Variants in CHRDL2 observed in about 807,000 individuals in gnomAD.
CHRDL2 encodes the protein chordin like 2, also known as chordin-like protein 2.
A neutral mutation model predicts 54.3 loss-of-function variants in CHRDL2; 41 were observed. The observed-to-expected ratio is 0.76, with a 90% CI of 0.59 to 0.98. CHRDL2 has a LOEUF of 0.98. Ranked by LOEUF, CHRDL2 falls within the 50% of genes least tolerant of loss-of-function variation. CHRDL2 has a pLI of 0.00. For missense variants in CHRDL2, 518 were observed against 562.4 expected, an observed-to-expected ratio of 0.92 and a Z score of 0.80; for synonymous variants, 220 against 224.3, an observed-to-expected ratio of 0.98 and a Z score of 0.17.
Position 74,702,865 on chromosome 11 carries a change from T to A in CHRDL2, c.1049A>T (p.Asn350Ile), listed in dbSNP as rs2033871545. The A allele has an allele frequency of 6.2e-7, 1 of 1,613,964 alleles. No individual in the cohort carries two copies. Among genetic ancestry groups the A allele is most frequent in the Non-Finnish European group, 8.5e-7 (1 of 1,179,990 alleles). ...VHTSVSPSPD[N>I]LRRFALEHEA... ...GTGTTCCAGGGCAAAGCGACGCAGG[T>A]TGTCTGGGCTTGGGGATACCGATGT... The change falls in exon 9 of 11, where the codon AAC (asparagine) becomes ATC (isoleucine). Residue 350 changes from asparagine to isoleucine, a missense_variant. By Grantham distance (149) the Asn-to-Ile change is moderately radical. Coordinates refer to ENST00000376332, the MANE Select transcript of CHRDL2 (RefSeq NM_001278473.3).
At chr11:74,711,666 T>C (rs568623224) in intron 3 of CHRDL2, among the ~76,000 whole-genome samples, 14 of 152,254 alleles carry the variant, frequency 9.2e-5, no homozygotes, top group African/African-American at 3.1e-4. Context: ...ATTTAGCCCT[T>C]GCCACCAAGA....
chr11:74,727,119 A>G (rs1358382514), intron 1 of CHRDL2, among the ~76,000 whole-genome samples: 1 of 152,192 alleles, frequency 6.6e-6, no homozygotes, highest in East Asian at 1.9e-4. Flanking sequence ...GAAGTGTTAA[A>G]ACTAGAATGG....
rs1020402070 is a variant in CHRDL2 at position 74,702,695 on chromosome 11, C to G, written c.1120+99G>C. On this transcript the variant is annotated intron_variant, in intron 9 of 10. Transcript: ENST00000376332. The stretch of plus-strand genomic sequence containing the variant: ...AAACCTGGCGGGGCAGCCAGAGGCA[C>G]CTGATCAGCAAAACGTCCCTAAGGC... The G allele has an allele frequency of 1.0e-5, 13 of 1,272,304 alleles. No individual in the cohort carries two copies. The African/African-American group carries it at 1.9e-4, about 19-fold the overall frequency. The allele number at this position is 1,272,304 out of a possible 1,614,324, so 78.8% of individuals were successfully genotyped here.
chr11:74,712,085 C>G (rs989846825), intron 3 of CHRDL2, among the ~76,000 whole-genome samples: 3 of 152,080 alleles, frequency 2.0e-5, no homozygotes, highest in Non-Finnish European at 4.4e-5. Context: ...GCTGGGATTA[C>G]AGATACAAGC....
rs2034254546 is a variant in CHRDL2, at chr11:74,713,387, C to T, written c.288G>A (p.Val96=). ...TEPQQCCPKC[V]EPHTPSGLRA... ...ATGGGGAGGAGCATGGCTACTTACCCACACACTTGGGACAGCATTGCTGTG... is the reference window on the plus strand; with the variant it reads ...ATGGGGAGGAGCATGGCTACTTACCTACACACTTGGGACAGCATTGCTGTG... The change falls in exon 3 of 11, where the codon GTG becomes GTA. Residue 96 remains valine (V), a splice_region_variant and synonymous_variant. Transcript: ENST00000376332. 3 of 1,613,570 alleles carry T rather than the reference C, an allele frequency of 1.9e-6. No individual in the cohort carries two copies. The highest frequency in any genetic ancestry group is 2.5e-6 in the Non-Finnish European group (3 of 1,179,688).
intron 3 of CHRDL2, among the ~76,000 whole-genome samples, chr11:74,711,969 C>G (rs1484625094): frequency 1.3e-5 from 2 of 151,968 alleles, no homozygotes; most frequent in African/African-American, 4.8e-5. Context: ...GCCACCATAT[C>G]CAGCTAATTT....
At chr11:74,721,161 G>A (rs571891229) in intron 1 of CHRDL2, among the ~76,000 whole-genome samples, 5 of 143,398 alleles carry the variant, frequency 3.5e-5, no homozygotes, top group African/African-American at 7.3e-5. Context: ...GGTGGGACAC[G>A]GGCCCAGCTG....
At chr11:74,730,785 C>T (rs778273674) in intron 1 of CHRDL2, 22 bp downstream of exon 1, 1 of 1,595,430 alleles carries the variant, frequency 6.3e-7, no homozygotes, top group South Asian at 1.1e-5. Flanking sequence ...CCTCTGCCCA[C>T]CCAGCCTCCC....
Position 74,726,742 on chromosome 11 carries a change from AG to A in CHRDL2, c.82+4064del, listed in dbSNP as rs1393225481. ...TCAGCAGCCTGTGCGCCAGTGAGTG[AG>A]GCAGAGACCTCTGCTGGTGGGAGAG... On this transcript the variant is annotated intron_variant, in intron 1 of 10. Coordinates refer to ENST00000376332, the MANE Select transcript of CHRDL2 (RefSeq NM_001278473.3). Among the ~76,000 whole-genome samples the A allele has an allele frequency of 2.0e-5, 3 of 152,278 alleles. No individual in the cohort carries two copies. The East Asian group carries it at 5.8e-4, about 29-fold the overall frequency.
At chr11:74,714,132 C>T (rs879296730) in intron 2 of CHRDL2, among the ~76,000 whole-genome samples, 2 of 152,062 alleles carry the variant, frequency 1.3e-5, no homozygotes, top group Non-Finnish European at 2.9e-5. Context: ...TCGTGGGGGT[C>T]TTCCCAGCTC....
chr11:74,705,882 C>T (rs942436134), intron 6 of CHRDL2, among the ~76,000 whole-genome samples: 6 of 152,096 alleles, frequency 3.9e-5, no homozygotes, highest in African/African-American at 7.2e-5. Context: ...TCTAGTCTCC[C>T]GGAGACCAGG....
chr11:74,703,750 C>T (rs550837764), intron 7 of CHRDL2, among the ~76,000 whole-genome samples: 15 of 152,364 alleles, frequency 9.8e-5, no homozygotes, highest in African/African-American at 1.4e-4. Context: ...CCTCACCCTT[C>T]AGGGCACTTC....
chr11:74,720,977 G>A (rs938622372), intron 1 of CHRDL2, among the ~76,000 whole-genome samples: 1 of 152,194 alleles, frequency 6.6e-6, no homozygotes, highest in Non-Finnish European at 1.5e-5. Context: ...TCTGTGCTTC[G>A]AGGGTCGCTG....
chr11:74,720,694 G>A (rs755399304), intron 1 of CHRDL2, among the ~76,000 whole-genome samples: 4 of 152,220 alleles, frequency 2.6e-5, no homozygotes, highest in Non-Finnish European at 5.9e-5. Context: ...GAATCGCAGA[G>A]CATTGAAAGC....
Position 74,706,571 on chromosome 11 carries a change from C to T in CHRDL2, c.527-29G>A, listed in dbSNP as rs778891427. 14 of 1,612,930 alleles carry T rather than the reference C, an allele frequency of 8.7e-6. No homozygotes were observed. In the East Asian group the frequency reaches 2.2e-4, roughly 26 times the overall value. On this transcript the variant is annotated intron_variant, in intron 5 of 10. Transcript: ENST00000376332. ...AAAACTCAAAGGGAAGCTGGGTCAG[C>T]CTCAGGCTCCCCAGCCTTGCTGGCT...
At chr11:74,700,866 C>G (rs2033784955) in intron 9 of CHRDL2, 1 of 152,112 alleles carries the variant, frequency 6.6e-6, no homozygotes, top group African/African-American at 2.4e-5. Context: ...CTCCTGGGCT[C>G]AAGCGATCGC....
At chr11:74,716,621 A>G (rs2034363272) in intron 2 of CHRDL2, among the ~76,000 whole-genome samples, 1 of 151,384 alleles carries the variant, frequency 6.6e-6, no homozygotes, top group African/African-American at 2.4e-5. Context: ...GGGAATTTGA[A>G]TTTTACTTTA....
chr11:74,714,262 G>A (rs909330724), intron 2 of CHRDL2, among the ~76,000 whole-genome samples: 3 of 152,142 alleles, frequency 2.0e-5, no homozygotes, highest in South Asian at 2.1e-4. Context: ...ATTCAACCAC[G>A]AATTCCAAAG....
chr11:74,703,661 C>T (rs1312617190), intron 7 of CHRDL2, among the ~76,000 whole-genome samples, 162 bp from the exon 8 acceptor site: 1 of 152,230 alleles, frequency 6.6e-6, no homozygotes, highest in Non-Finnish European at 1.5e-5. Flanking sequence ...AAACCTGTCC[C>T]CTCTCCCTGA....
Sources: gnomAD v4.1 joint callset for allele counts (sites outside exome capture counted in the v4.1 genomes callset) on GRCh38, gnomAD v4.1.1 for gene constraint, MANE v1.5 for transcripts, NCBI Gene and HGNC (gene_info 2026-07-23, HGNC 2026-07-21) for gene names.